GABRA3: variants seen among roughly 807,000 people sequenced by gnomAD.
GABRA3 encodes gamma-aminobutyric acid type A receptor subunit alpha3, also known as gamma-aminobutyric acid receptor subunit alpha-3.
A neutral mutation model predicts 30.1 loss-of-function variants in GABRA3; 10 were observed. The observed-to-expected ratio is 0.33, with a 90% CI of 0.20 to 0.56. The LOEUF is 0.56. Among genes scored for constraint, GABRA3 ranks in the 20% least tolerant of loss-of-function variants. The pLI is 0.89. For synonymous variants in GABRA3, 151 were observed against 146.8 expected (o/e 1.03, Z -0.21); for missense variants, 233 against 392.0 (o/e 0.59, Z 3.42).
chrX:152,349,410 T>A (rs1490288577), intron 2 of GABRA3, among the ~76,000 whole-genome samples: 1 of 107,452 alleles, frequency 9.3e-6, no homozygotes. Flanking sequence ...ACGAGCAAAA[T>A]AACCAGCTAA....
intron 1 of GABRA3, among the ~76,000 whole-genome samples, chrX:152,384,814 A>G (rs1325723244): frequency 2.7e-5 from 3 of 112,170 alleles, no homozygotes; most frequent in Non-Finnish European, 5.6e-5. Context: ...GTAAACAACA[A>G]ATACCGAATG....
In GABRA3 at chrX:152,444,732, GTGT is replaced by G. The variant is rs1383995698; in HGVS notation, c.-27+6411_-27+6413del. 3.3e-3 allele frequency among the ~76,000 whole-genome samples: 76 copies of G among 23,214 alleles called. 1 individual carries two copies. Among genetic ancestry groups the G allele is most frequent in the African/African-American group, 0.01 (63 of 6,020 alleles). The allele number at this position is 23,214 out of a possible 115,157, so 20.2% of individuals were successfully genotyped here. A position where few individuals can be genotyped will look rare whatever the true frequency, so the allele number is the denominator to read the frequency against. On this transcript the variant is annotated intron_variant, in intron 1 of 9. Transcript: ENST00000370314. Reference sequence around the variant, plus strand: ...CTTAAAAACTATATATAATACTTGTGTGTTTTTTTTTTTTTGTTTTTTTTTGTT... The same window carrying G: ...CTTAAAAACTATATATAATACTTGTGTTTTTTTTTTTTGTTTTTTTTTGTT...
rs202242422 is a variant in GABRA3, at chrX:152,211,777, T to TA, written c.635-3634dup. On this transcript the variant is annotated intron_variant, in intron 6 of 9. Coordinates refer to ENST00000370314, the MANE Select transcript of GABRA3 (RefSeq NM_000808.4). ...GTTAAGTAAAACCAGAGGTGAGCACTATTGCTCCTGCTCAGAGTGGGGTGT... is the reference window on the plus strand; with the variant it reads ...GTTAAGTAAAACCAGAGGTGAGCACTAATTGCTCCTGCTCAGAGTGGGGTGT... Among the ~76,000 whole-genome samples, 1,030 of 111,427 alleles carry TA rather than the reference T, an allele frequency of 9.2e-3. 9 individuals are homozygous for TA. Among genetic ancestry groups the TA allele is most frequent in the African/African-American group, 0.032 (984 of 30,656 alleles).
intron 1 of GABRA3, among the ~76,000 whole-genome samples, chrX:152,387,204 G>A (rs900233073): frequency 9.3e-6 from 1 of 107,309 alleles, no homozygotes; most frequent in Non-Finnish European, 1.9e-5. Context: ...GCTAAATGAC[G>A]AGTTAATGGG....
chrX:152,359,625 G>T (rs1928424130), intron 2 of GABRA3, among the ~76,000 whole-genome samples: 1 of 110,446 alleles, frequency 9.1e-6, no homozygotes, highest in Admixed American at 9.7e-5. Context: ...TGGTTCTCTA[G>T]TTCCCCTAGG....
intron 6 of GABRA3, among the ~76,000 whole-genome samples, chrX:152,220,960 A>G (rs1603214435): frequency 1.8e-5 from 2 of 110,032 alleles, no homozygotes; most frequent in South Asian, 4.0e-4. Context: ...GAGGTTTCAG[A>G]TACTTTTTAT....
At chrX:152,348,467 A>T (rs1185517212) in intron 2 of GABRA3, among the ~76,000 whole-genome samples, 1 of 111,837 alleles carries the variant, frequency 8.9e-6, no homozygotes, top group Non-Finnish European at 1.9e-5. Flanking sequence ...AAAAATGAAA[A>T]TGACGTTACT....
intron 5 of GABRA3, among the ~76,000 whole-genome samples, chrX:152,236,721 T>C (rs1468373660): frequency 9.6e-6 from 1 of 104,431 alleles, no homozygotes. Context: ...ATTGTGGTTT[T>C]GATTTGCATT....
At chrX:152,272,429 G>A (rs761723004) in intron 4 of GABRA3, among the ~76,000 whole-genome samples, 7 of 112,560 alleles carry the variant, frequency 6.2e-5, no homozygotes, top group Non-Finnish European at 9.4e-5. Flanking sequence ...CCTTTGGAAT[G>A]GATGTATTTA....
rs149607309 is a variant in GABRA3, at chrX:152,201,166, A to G, written c.779-3381T>C. On this transcript the variant is annotated intron_variant, in intron 7 of 9. Coordinates refer to ENST00000370314, the MANE Select transcript of GABRA3 (RefSeq NM_000808.4). Reference sequence around the variant, plus strand: ...ATTTATTATGTCAATTAACTTAATCAGTTTTCTTAAACACAACTCTGATAT... The same window carrying G: ...ATTTATTATGTCAATTAACTTAATCGGTTTTCTTAAACACAACTCTGATAT... Among the ~76,000 whole-genome samples the G allele has an allele frequency of 5.4e-3, 607 of 112,535 alleles. 3 individuals are homozygous for G. The Middle Eastern group carries it at 0.069, about 13-fold the overall frequency.
chrX:152,266,330 T>C (rs541292610), intron 4 of GABRA3, among the ~76,000 whole-genome samples: 12 of 111,907 alleles, frequency 1.1e-4, no homozygotes, highest in African/African-American at 3.9e-4. Flanking sequence ...GTTCAACATA[T>C]GCAATTCAGT....
At chrX:152,330,001 G>GA (rs1329988770) in intron 3 of GABRA3, among the ~76,000 whole-genome samples, 2 of 111,280 alleles carry the variant, frequency 1.8e-5, no homozygotes, top group African/African-American at 6.5e-5. Context: ...AAATTTACAA[G>GA]AAAAAAATCA....
intron 5 of GABRA3, among the ~76,000 whole-genome samples, chrX:152,251,399 TTCTTCTC>T (rs1938552009): frequency 9.1e-6 from 1 of 110,021 alleles, no homozygotes; most frequent in South Asian, 4.0e-4. Context: ...CCTCTCTCCT[TTCTTCTC>T]TCTTCTCTAT....
chrX:152,221,306 G>C (rs1306460615), intron 6 of GABRA3, among the ~76,000 whole-genome samples: 1 of 107,709 alleles, frequency 9.3e-6, no homozygotes, highest in African/African-American at 3.6e-5. Context: ...TGTGATGTAA[G>C]AGTCAAGATG....
At chrX:152,447,399 C>T (rs1191456691) in intron 1 of GABRA3, among the ~76,000 whole-genome samples, 2 of 111,626 alleles carry the variant, frequency 1.8e-5, no homozygotes, top group African/African-American at 3.3e-5. Flanking sequence ...GCTTTCTATC[C>T]ACTGTAAGAA....
intron 1 of GABRA3, among the ~76,000 whole-genome samples, chrX:152,373,329 A>G (rs964035711): frequency 1.8e-5 from 2 of 111,097 alleles, no homozygotes; most frequent in African/African-American, 6.6e-5. Context: ...GTTCCTCCCC[A>G]TGTGTGCAAT....
At chrX:152,427,076 G>A (rs1488387588) in intron 1 of GABRA3, among the ~76,000 whole-genome samples, 2 of 110,991 alleles carry the variant, frequency 1.8e-5, no homozygotes, top group African/African-American at 6.6e-5. Flanking sequence ...CCTCATTACT[G>A]TTCTCCATCT....
At chrX:152,279,466 C>G (rs1245671794) in intron 4 of GABRA3, among the ~76,000 whole-genome samples, 1 of 111,461 alleles carries the variant, frequency 9.0e-6, no homozygotes, top group African/African-American at 3.3e-5. Flanking sequence ...TTCCATTGGT[C>G]TATATCTCTG....
chrX:152,327,479 A>C (rs1940083177), intron 3 of GABRA3, among the ~76,000 whole-genome samples: 1 of 112,101 alleles, frequency 8.9e-6, no homozygotes, highest in Non-Finnish European at 1.9e-5. Context: ...AATGTAAAAG[A>C]ACAGAAATTA....
Sources: gnomAD v4.1 joint callset for allele counts (sites outside exome capture counted in the v4.1 genomes callset) on GRCh38, gnomAD v4.1.1 for gene constraint, MANE v1.5 for transcripts, NCBI Gene and HGNC (gene_info 2026-07-23, HGNC 2026-07-21) for gene names.